ENPP1: variants seen among roughly 807,000 people sequenced by gnomAD.
The protein encoded by ENPP1 is ectonucleotide pyrophosphatase/phosphodiesterase family member 1.
Under a neutral mutation model 122.8 loss-of-function variants are expected in ENPP1, and 73 were observed. The ratio of observed to expected loss-of-function variants is 0.59; its 90% CI spans 0.49 to 0.72. The LOEUF (loss-of-function observed/expected upper bound fraction) is 0.72. Ranked by LOEUF, ENPP1 falls within the 30% of genes least tolerant of loss-of-function variation. The pLI is 0.00. For missense variants in ENPP1, 978 were observed against 1,128.1 expected (o/e 0.87, Z 1.91); for synonymous variants, 367 against 391.6 (o/e 0.94, Z 0.74).
Position 131,852,218 on chromosome 6 carries a change from G to T in ENPP1, c.600G>T (p.Glu200Asp). The T allele has an allele frequency of 6.2e-7, 1 of 1,605,032 alleles. No homozygotes were observed. Among genetic ancestry groups the T allele is most frequent in the Non-Finnish European group, 8.5e-7 (1 of 1,175,304 alleles). The change falls in exon 5 of 25, where the codon GAG becomes GAT. Residue 200 changes from glutamate to aspartate, a missense_variant. By Grantham distance (45) the Glu-to-Asp change is conservative. Transcript: ENST00000647893. ...AAGAACCATGTGAGAGCATTAATGAGCCACAGTGCCCAGCAGGGTAAGATT... is the reference window on the plus strand; with the variant it reads ...AAGAACCATGTGAGAGCATTAATGATCCACAGTGCCCAGCAGGGTAAGATT... ...WVEEPCESIN[E>D]PQCPAGFETP...
chr6:131,850,642 C>G (rs1371821580), intron 3 of ENPP1, among the ~76,000 whole-genome samples: 1 of 152,168 alleles, frequency 6.6e-6, no homozygotes, highest in African/African-American at 2.4e-5. Context: ...GACCATGGCT[C>G]GTTGCAACCT....
chr6:131,867,927 C>CTTTTTTTTTT, intron 11 of ENPP1, 91 bp from the exon 12 acceptor site: 1 of 737,798 alleles, frequency 1.4e-6, no homozygotes, highest in Middle Eastern at 2.8e-4. Context: ...TTGTTTCTTT[C>CTTTTTTTTTT]TTTTTTTTTT....
rs1782454697 is a variant in ENPP1, at chr6:131,890,496, TAGCCA to T, written c.2766_2770del (p.Ser922ArgfsTer23). On this transcript the variant is annotated frameshift_variant, in exon 25 of 25. Transcript: ENST00000647893. LOFTEE classifies it high-confidence loss of function. Reference sequence around the variant, plus strand: ...AGTTGAAAACACATTTGCCAACCTTTAGCCAAGAAGACTGATATGTTTTTTATCCC... The same window carrying T: ...AGTTGAAAACACATTTGCCAACCTTTAGAAGACTGATATGTTTTTTATCCC... The T allele has an allele frequency of 2.5e-6, 4 of 1,613,802 alleles. No homozygotes were observed. The highest frequency in any genetic ancestry group is 3.4e-6 in the Non-Finnish European group (4 of 1,179,770).
intron 15 of ENPP1, among the ~76,000 whole-genome samples, chr6:131,873,714 T>C (rs953235357): frequency 1.3e-5 from 2 of 152,122 alleles, no homozygotes; most frequent in Non-Finnish European, 2.9e-5. Context: ...CTAGTCATGA[T>C]ACATACCCCT....
chr6:131,836,836 C>A (rs146168163), intron 1 of ENPP1, among the ~76,000 whole-genome samples: 3 of 152,116 alleles, frequency 2.0e-5, no homozygotes, highest in Non-Finnish European at 4.4e-5. Context: ...ATGGAAAGTG[C>A]GGTACTGGCA....
chr6:131,831,773 T>C (rs1006363789), intron 1 of ENPP1, among the ~76,000 whole-genome samples: 1 of 152,220 alleles, frequency 6.6e-6, no homozygotes, highest in Non-Finnish European at 1.5e-5. Flanking sequence ...GATGTTAACC[T>C]TGACTACCCG....
At position 131,880,289 on chromosome 6, in the gene ENPP1, C is replaced by T. The variant is rs544729049; in HGVS notation, c.2100+255C>T. Among the ~76,000 whole-genome samples, 11 of 152,142 alleles carry T rather than the reference C, an allele frequency of 7.2e-5. No homozygotes were observed. In the South Asian group the frequency reaches 1.2e-3, roughly 17 times the overall value. ...AGTAAAGATTCTCTTTTGGGCTGTG[C>T]GCAGTGGCTCATGCCTGTAATCTCA... On this transcript the variant is annotated intron_variant, in intron 20 of 24. Transcript: ENST00000647893.
At chr6:131,826,796 G>T in intron 1 of ENPP1, 1 of 427,790 alleles carries the variant, frequency 2.3e-6, no homozygotes, top group Non-Finnish European at 4.4e-6. Context: ...CCTGAAAGCC[G>T]TCTAACTGCA....
At chr6:131,830,621 T>C (rs2114670199) in intron 1 of ENPP1, among the ~76,000 whole-genome samples, 1 of 152,360 alleles carries the variant, frequency 6.6e-6, no homozygotes, top group Non-Finnish European at 1.5e-5. Context: ...GTTTATGATT[T>C]ACATATTTCC....
chr6:131,876,707 T>C (rs1337523918), intron 17 of ENPP1, among the ~76,000 whole-genome samples: 2 of 152,176 alleles, frequency 1.3e-5, no homozygotes, highest in Admixed American at 6.5e-5. Flanking sequence ...AATATGTTAG[T>C]ACCATGATTG....
At chr6:131,867,918 TGTTTCTTTC>T in intron 11 of ENPP1, 91 bp from the exon 12 acceptor site, 3 of 844,544 alleles carry the variant, frequency 3.6e-6, no homozygotes. Flanking sequence ...TTTCTTTCTT[TGTTTCTTTC>T]TTTTTTTTTT....
intron 4 of ENPP1, among the ~76,000 whole-genome samples, chr6:131,851,691 T>C (rs1284475703): frequency 1.3e-5 from 2 of 152,192 alleles, no homozygotes; most frequent in Admixed American, 6.5e-5. Flanking sequence ...AGAGAGTCGA[T>C]GTGAAATTGT....
At chr6:131,842,699 G>A (rs1040572831) in intron 1 of ENPP1, among the ~76,000 whole-genome samples, 3 of 152,136 alleles carry the variant, frequency 2.0e-5, no homozygotes, top group East Asian at 1.9e-4. Flanking sequence ...GCAATCATTC[G>A]TTCTAATGCT....
At chr6:131,810,565 T>C (rs903109336) in intron 1 of ENPP1, among the ~76,000 whole-genome samples, 5 of 150,592 alleles carry the variant, frequency 3.3e-5, no homozygotes, top group African/African-American at 1.2e-4. Context: ...GGAGCTGCAA[T>C]TATAGAATTC....
chr6:131,869,710 GC>G (rs1356359542), intron 13 of ENPP1, among the ~76,000 whole-genome samples: 3 of 151,740 alleles, frequency 2.0e-5, no homozygotes, highest in Non-Finnish European at 4.4e-5. Flanking sequence ...ACAAAAATTA[GC>G]CTGGCTTGGT....
chr6:131,883,777 AAAT>A lies in ENPP1; in HGVS notation c.2311+7_2311+9del. ...GCCAATGTACCAGAGTTTTCAAGGT[AAAT>A]AATGTTAACTCTATATTTGATAATT... On this transcript the variant is annotated splice_donor_5th_base_variant and intron_variant, in intron 22 of 24. Transcript: ENST00000647893. 7.3e-7 allele frequency: 1 copy of A among 1,378,792 alleles called. No individual in the cohort carries two copies. The highest frequency in any genetic ancestry group is 1.2e-5 in the South Asian group (1 of 85,892). 85.4% of individuals were successfully genotyped at this position (1,378,792 alleles called of 1,614,324 possible). A position where few individuals can be genotyped will look rare whatever the true frequency, so the allele number is the denominator to read the frequency against.
chr6:131,827,715 G>A, intron 1 of ENPP1: 1 of 672,520 alleles, frequency 1.5e-6, no homozygotes, highest in Admixed American at 2.0e-5. Context: ...AGATGGCTGT[G>A]GCCTCTTGCC....
intron 8 of ENPP1, among the ~76,000 whole-genome samples, chr6:131,861,194 T>C (rs1213076285): frequency 1.3e-5 from 2 of 152,158 alleles, no homozygotes; most frequent in Non-Finnish European, 2.9e-5. Context: ...CTTTGTAGGA[T>C]TATTGTGAGG....
intron 17 of ENPP1, 65 bp from the exon 18 acceptor site, chr6:131,876,927 G>C: frequency 6.8e-7 from 1 of 1,474,238 alleles, no homozygotes; most frequent in Non-Finnish European, 9.5e-7. Flanking sequence ...AAAGATCATG[G>C]CACAAGTCTA....
Sources: allele counts gnomAD v4.1 joint callset (sites outside exome capture counted in the v4.1 genomes callset), GRCh38; gene constraint gnomAD v4.1.1; transcripts MANE v1.5; gene names NCBI Gene and HGNC (gene_info 2026-07-23, HGNC 2026-07-21).